The following OR7E24 variants were observed in gnomAD, a reference collection of about 807,000 sequenced individuals.
The protein encoded by OR7E24 is olfactory receptor 7E24.
For missense variants in OR7E24, 385 were observed against 410.3 expected, an observed-to-expected ratio of 0.94 and a Z score of 0.53; for synonymous variants, 130 against 157.5, an observed-to-expected ratio of 0.83 and a Z score of 1.31.
chr19:9,251,882 C>T lies in OR7E24; in HGVS notation c.839C>T (p.Ser280Leu). The change falls in exon 1 of 1, where the codon TCA (serine) becomes TTA (leucine). Residue 280 changes from serine (S) to leucine (L), a missense_variant. By Grantham distance (145) the Ser-to-Leu change is moderately radical. Coordinates refer to ENST00000456448, the MANE Select transcript of OR7E24 (RefSeq NM_001079935.2). ...ACAGGGCTTGTAGGGTACCTCAGTT[C>T]AGCTGTGTTACCATCCCCCAGGAAG... ...YGTGLVGYLS[S>L]AVLPSPRKSM... The T allele has an allele frequency of 6.2e-7, 1 of 1,614,108 alleles. No homozygotes were observed. Among genetic ancestry groups the T allele is most frequent in the Non-Finnish European group, 8.5e-7 (1 of 1,180,016 alleles).
chr19:9,248,718 A>G (rs1318432405), upstream of OR7E24, among the ~76,000 whole-genome samples: 1 of 152,236 alleles, frequency 6.6e-6, no homozygotes. Flanking sequence ...GCAGCTCTCT[A>G]CTTCCTCAAA....
rs917707 is a variant in OR7E24 at position 9,252,123 on chromosome 19, T to C, written c.*60T>C. On this transcript the variant is annotated 3_prime_UTR_variant, in exon 1 of 1. Coordinates refer to ENST00000456448, the MANE Select transcript of OR7E24 (RefSeq NM_001079935.2). Reference sequence around the variant, plus strand: ...ATTCTGCCTCCTTGGTCACATTATTTTGGTTGCTTGATGGCTTTCATTCCT... The same window carrying C: ...ATTCTGCCTCCTTGGTCACATTATTCTGGTTGCTTGATGGCTTTCATTCCT... The C allele has an allele frequency of 7.6e-6, 11 of 1,446,902 alleles. No individual in the cohort carries two copies. Among genetic ancestry groups the C allele is most frequent in the Non-Finnish European group, 8.5e-6 (9 of 1,062,624 alleles). 89.6% of individuals were successfully genotyped at this position (1,446,902 alleles called of 1,614,324 possible). A position where few individuals can be genotyped will look rare whatever the true frequency, so the allele number is the denominator to read the frequency against.
At chr19:9,219,263 C>T in the OR7E24 span, 2 of 152,242 alleles carry the variant, frequency 1.3e-5, no homozygotes, top group Non-Finnish European at 2.9e-5. Flanking sequence ...CGAAATTCAA[C>T]AGGAGACTAA....
the OR7E24 span, chr19:9,214,985 C>T: frequency 1.7e-6 from 1 of 595,710 alleles, no homozygotes; most frequent in Non-Finnish European, 3.0e-6. Context: ...ATGAATCTCT[C>T]AGGAAGTGGT....
Position 9,250,939 on chromosome 19 carries a change from C to T in OR7E24, c.-105C>T. The T allele has an allele frequency of 1.2e-6, 1 of 859,038 alleles. No individual in the cohort carries two copies. Among genetic ancestry groups the T allele is most frequent in the Non-Finnish European group, 1.8e-6 (1 of 562,314 alleles). The allele number at this position is 859,038 out of a possible 1,614,324, so 53.2% of individuals were successfully genotyped here. A position where few individuals can be genotyped will look rare whatever the true frequency, so the allele number is the denominator to read the frequency against. On this transcript the variant is annotated 5_prime_UTR_variant, in exon 1 of 1. Transcript: ENST00000456448. ...GTAACTCTAAGGAAATTGGGTTTGT[C>T]ACAACTGAGAACTATTGCTGAGGGT...
At chr19:9,217,062 A>C in the OR7E24 span, among the ~76,000 whole-genome samples, 1 of 152,182 alleles carries the variant, frequency 6.6e-6, no homozygotes, top group Non-Finnish European at 1.5e-5. Flanking sequence ...ACTCATGAAG[A>C]TCCCTATGCT....
the OR7E24 span, among the ~76,000 whole-genome samples, chr19:9,238,318 G>T: frequency 6.6e-6 from 1 of 152,002 alleles, no homozygotes; most frequent in Non-Finnish European, 1.5e-5. Flanking sequence ...CAATGAAGTG[G>T]TGTCTCATTG....
At chr19:9,211,953 A>T in the OR7E24 span, 1 of 152,124 alleles carries the variant, frequency 6.6e-6, no homozygotes, top group African/African-American at 2.4e-5. Flanking sequence ...GGGAACTCAG[A>T]GGACAGAAGA....
At chr19:9,247,517 A>G (rs2066133855), upstream of OR7E24, 1 of 398,762 alleles carries the variant, frequency 2.5e-6, no homozygotes, top group Non-Finnish European at 4.4e-6. Context: ...AGCGCAGCTC[A>G]GTGAGTGCTG....
At chr19:9,247,817 G>A (rs1173637181), upstream of OR7E24, among the ~76,000 whole-genome samples, 1 of 152,120 alleles carries the variant, frequency 6.6e-6, no homozygotes, top group Non-Finnish European at 1.5e-5. Flanking sequence ...CCTATTGGGT[G>A]GTATCTCATT....
chr19:9,208,701 T>TG, the OR7E24 span: 1 of 149,684 alleles, frequency 6.7e-6, no homozygotes, highest in Admixed American at 6.6e-5. Flanking sequence ...TTTTTTTTTT[T>TG]TTTTTTTTGA....
upstream of OR7E24, among the ~76,000 whole-genome samples, chr19:9,244,080 G>A (rs1412484188): frequency 6.6e-6 from 1 of 152,124 alleles, no homozygotes; most frequent in Non-Finnish European, 1.5e-5. Flanking sequence ...GATTCTCACT[G>A]GCAAAATAAA....
chr19:9,216,035 G>A, the OR7E24 span, among the ~76,000 whole-genome samples: 1 of 152,112 alleles, frequency 6.6e-6, no homozygotes, highest in Non-Finnish European at 1.5e-5. Context: ...AAGAGAGAAA[G>A]CTTGTGCAAG....
the OR7E24 span, chr19:9,212,992 A>G: frequency 6.6e-6 from 1 of 152,166 alleles, no homozygotes; most frequent in South Asian, 2.1e-4. Flanking sequence ...GATTGTTAGG[A>G]TATACTCTAC....
At chr19:9,237,389 C>A in the OR7E24 span, among the ~76,000 whole-genome samples, 2 of 152,114 alleles carry the variant, frequency 1.3e-5, no homozygotes, top group Admixed American at 1.3e-4. Flanking sequence ...CGGCTCACTG[C>A]AAGCTCCGCC....
the OR7E24 span, chr19:9,213,851 G>T: frequency 1.5e-6 from 2 of 1,305,152 alleles, no homozygotes; most frequent in South Asian, 2.5e-5. Flanking sequence ...CACAACATTT[G>T]CCTTAGGGGT....
chr19:9,235,901 G>A, the OR7E24 span: 1 of 1,607,748 alleles, frequency 6.2e-7, no homozygotes, highest in Non-Finnish European at 8.5e-7. Flanking sequence ...TTGTTCTATG[G>A]AACAGGACTT....
At chr19:9,238,592 T>C in the OR7E24 span, among the ~76,000 whole-genome samples, 20 of 152,228 alleles carry the variant, frequency 1.3e-4, no homozygotes, top group Admixed American at 1.3e-3. Context: ...TGTTATTAAC[T>C]ATATTCATCA....
At chr19:9,229,103 A>G in the OR7E24 span, among the ~76,000 whole-genome samples, 1 of 152,308 alleles carries the variant, frequency 6.6e-6, no homozygotes, top group Non-Finnish European at 1.5e-5. Flanking sequence ...AACATAAGGA[A>G]AGTAAATTTA....
Sources: gnomAD v4.1 joint callset for allele counts (sites outside exome capture counted in the v4.1 genomes callset) on GRCh38, gnomAD v4.1.1 for gene constraint, MANE v1.5 for transcripts, NCBI Gene and HGNC (gene_info 2026-07-23, HGNC 2026-07-21) for gene names.